Variants in PRKD1 observed in about 807,000 individuals in gnomAD.
PRKD1 encodes protein kinase D1, also known as serine/threonine-protein kinase D1.
Under a neutral mutation model 95.9 loss-of-function variants are expected in PRKD1, and 63 were observed. The observed-to-expected ratio is 0.66, with a 90% CI of 0.54 to 0.81. The LOEUF (loss-of-function observed/expected upper bound fraction) is 0.81, where lower values mean the gene tolerates loss of function less well. PRKD1 is among the 30% of genes least tolerant of loss of function. The pLI, the probability that PRKD1 is intolerant of heterozygous loss-of-function variation, is 0.00. For missense variants in PRKD1, 1,048 were observed against 1,165.3 expected (o/e 0.90, Z 1.47); for synonymous variants, 425 against 423.1 (o/e 1.00, Z -0.05).
At chr14:29,856,941 C>T (rs1467650634) in intron 1 of PRKD1, among the ~76,000 whole-genome samples, 1 of 152,142 alleles carries the variant, frequency 6.6e-6, no homozygotes, top group Non-Finnish European at 1.5e-5. Flanking sequence ...CTGGAATCAC[C>T]AGTCACTTAT....
At chr14:29,763,282 G>A (rs1447568644) in intron 1 of PRKD1, among the ~76,000 whole-genome samples, 2 of 147,670 alleles carry the variant, frequency 1.4e-5, no homozygotes, top group Non-Finnish European at 3.0e-5. Flanking sequence ...GGGTGACAGA[G>A]CAAGATACTG....
At chr14:29,756,716 A>G (rs1887716723) in intron 1 of PRKD1, among the ~76,000 whole-genome samples, 3 of 152,200 alleles carry the variant, frequency 2.0e-5, no homozygotes, top group African/African-American at 7.2e-5. Context: ...ACACAATCAG[A>G]AAGTTCAAGG....
chr14:29,800,335 C>T (rs1029308041), intron 1 of PRKD1, among the ~76,000 whole-genome samples: 1 of 152,272 alleles, frequency 6.6e-6, no homozygotes, highest in Non-Finnish European at 1.5e-5. Flanking sequence ...GCACTGGTTG[C>T]GTAGAGGCGT....
In PRKD1 at chr14:29,786,925, T is replaced by G. The variant is rs139337691; in HGVS notation, c.265-61251A>C. 5.4e-4 allele frequency among the ~76,000 whole-genome samples: 82 copies of G among 152,214 alleles called. 1 individual carries two copies. The East Asian group carries it at 0.013, about 25-fold the overall frequency. On this transcript the variant is annotated intron_variant, in intron 1 of 17. Transcript: ENST00000331968. Reference sequence around the variant, plus strand: ...AGTTCCTTGAGCTGCATCACTAGGTTGTTTATTTGAAACTTTTTACTTTTT... The same window carrying G: ...AGTTCCTTGAGCTGCATCACTAGGTGGTTTATTTGAAACTTTTTACTTTTT...
rs1032697661 is a variant in PRKD1, at chr14:29,718,665, T to C, written c.403+6871A>G. On this transcript the variant is annotated intron_variant, in intron 2 of 17. Transcript: ENST00000331968. ...GTTACAAAACCACCTGCAAAGAAAA[T>C]TGCAACTGAAGTTAGAGAAGATTTG... 5.3e-5 allele frequency among the ~76,000 whole-genome samples: 8 copies of C among 152,062 alleles called. 1 individual carries two copies.
At chr14:29,767,086 C>G (rs1888291075) in intron 1 of PRKD1, among the ~76,000 whole-genome samples, 1 of 151,990 alleles carries the variant, frequency 6.6e-6, no homozygotes, top group African/African-American at 2.4e-5. Context: ...AATTGCAGGC[C>G]CCAACCCTCA....
chr14:29,675,561 G>A (rs1371044546), intron 2 of PRKD1, among the ~76,000 whole-genome samples: 1 of 152,170 alleles, frequency 6.6e-6, no homozygotes, highest in Non-Finnish European at 1.5e-5. Flanking sequence ...CATTGTGGAA[G>A]ACAGTGTGGC....
chr14:29,740,009 A>T (rs1248183097), intron 1 of PRKD1, among the ~76,000 whole-genome samples: 1 of 152,226 alleles, frequency 6.6e-6, no homozygotes, highest in Non-Finnish European at 1.5e-5. Flanking sequence ...CATATCAAGC[A>T]ATTACAGGAG....
At chr14:29,879,964 T>G (rs1205276750) in intron 1 of PRKD1, among the ~76,000 whole-genome samples, 2 of 152,156 alleles carry the variant, frequency 1.3e-5, no homozygotes, top group African/African-American at 4.8e-5. Flanking sequence ...AACGTGCTGT[T>G]AAACACATTC....
chr14:29,841,499 A>G (rs1210165774), intron 1 of PRKD1, among the ~76,000 whole-genome samples: 1 of 152,156 alleles, frequency 6.6e-6, no homozygotes, highest in Non-Finnish European at 1.5e-5. Flanking sequence ...ATAATAGTGA[A>G]TAAGTCTCAC....
At chr14:29,744,427 T>C (rs1297549040) in intron 1 of PRKD1, among the ~76,000 whole-genome samples, 1 of 152,156 alleles carries the variant, frequency 6.6e-6, no homozygotes. Flanking sequence ...CCATCTCTAC[T>C]GCTGTCTCCC....
intron 1 of PRKD1, among the ~76,000 whole-genome samples, chr14:29,773,357 G>A (rs1414216539): frequency 6.6e-6 from 1 of 151,808 alleles, no homozygotes; most frequent in Admixed American, 6.6e-5. Flanking sequence ...CTACTCGGGA[G>A]GCTGAGATAG....
At chr14:29,897,380 A>G (rs1236941773) in intron 1 of PRKD1, among the ~76,000 whole-genome samples, 1 of 152,184 alleles carries the variant, frequency 6.6e-6, no homozygotes, top group Non-Finnish European at 1.5e-5. Context: ...ATTACCGCAC[A>G]AATAATCAGA....
intron 2 of PRKD1, among the ~76,000 whole-genome samples, chr14:29,695,106 T>C (rs1019410659): frequency 1.3e-5 from 2 of 151,732 alleles, no homozygotes; most frequent in Non-Finnish European, 1.5e-5. Context: ...TGGTGGTGGG[T>C]GCCTGTAATC....
At chr14:29,706,107 T>C (rs1885076085) in intron 2 of PRKD1, among the ~76,000 whole-genome samples, 1 of 152,102 alleles carries the variant, frequency 6.6e-6, no homozygotes, top group South Asian at 2.1e-4. Context: ...GTCAAAATTG[T>C]TACTGTCTGT....
chr14:29,854,089 T>TG (rs1892410935), intron 1 of PRKD1, among the ~76,000 whole-genome samples: 1 of 152,122 alleles, frequency 6.6e-6, no homozygotes, highest in Non-Finnish European at 1.5e-5. Context: ...TACAGTAAAT[T>TG]GGAGTGGTGT....
At chr14:29,896,734 A>C (rs1346387882) in intron 1 of PRKD1, among the ~76,000 whole-genome samples, 2 of 151,772 alleles carry the variant, frequency 1.3e-5, no homozygotes, top group African/African-American at 2.4e-5. Flanking sequence ...AAAAAAAAAA[A>C]AAAACAGGGA....
chr14:29,808,684 AC>A (rs748680011), intron 1 of PRKD1, among the ~76,000 whole-genome samples: 14 of 151,608 alleles, frequency 9.2e-5, no homozygotes, highest in Non-Finnish European at 2.1e-4. Flanking sequence ...ACAGGCATGA[AC>A]CACCTTCAGG....
chr14:29,602,692 G>C (rs1430609812), intron 13 of PRKD1, among the ~76,000 whole-genome samples: 1 of 152,074 alleles, frequency 6.6e-6, no homozygotes, highest in African/African-American at 2.4e-5. Flanking sequence ...GCCTCCCAAA[G>C]TGCTGGGATT....
Sources: gnomAD v4.1 joint callset for allele counts (sites outside exome capture counted in the v4.1 genomes callset) on GRCh38, gnomAD v4.1.1 for gene constraint, MANE v1.5 for transcripts, NCBI Gene and HGNC (gene_info 2026-07-23, HGNC 2026-07-21) for gene names.